Variants in TNRC6C observed in about 807,000 individuals in gnomAD.
TNRC6C encodes the protein trinucleotide repeat-containing gene 6C protein.
In TNRC6C, 20 loss-of-function variants were observed where a neutral mutation model predicts 153.7. The observed-to-expected ratio is 0.13, with a 90% CI of 0.09 to 0.19. The LOEUF is 0.19. TNRC6C is among the 10% of genes least tolerant of loss of function. The pLI, the probability that TNRC6C is intolerant of heterozygous loss-of-function variation, is 1.00. For missense variants in TNRC6C, 1,987 were observed against 2,172.0 expected, an observed-to-expected ratio of 0.91 and a Z score of 1.69; for synonymous variants, 811 against 841.4, an observed-to-expected ratio of 0.96 and a Z score of 0.63.
At chr17:78,094,526 C>T (rs566575144) in intron 16 of TNRC6C, among the ~76,000 whole-genome samples, 1 of 152,040 alleles carries the variant, frequency 6.6e-6, no homozygotes, top group Non-Finnish European at 1.5e-5. Context: ...GCAACCTCCG[C>T]CTCGCAGGCT....
chr17:78,012,315 A>G (rs2071648038), intron 1 of TNRC6C, among the ~76,000 whole-genome samples: 1 of 152,186 alleles, frequency 6.6e-6, no homozygotes, highest in Non-Finnish European at 1.5e-5. Context: ...TCAAAGAAGG[A>G]AACTACAGAC....
chr17:78,063,374 TGAG>T (rs1406758339), intron 3 of TNRC6C, among the ~76,000 whole-genome samples: 3 of 151,866 alleles, frequency 2.0e-5, no homozygotes, highest in African/African-American at 4.8e-5. Flanking sequence ...ATCTTCATGT[TGAG>T]GAGCAGGCTG....
intron 2 of TNRC6C, among the ~76,000 whole-genome samples, chr17:78,042,851 A>T (rs1015361573): frequency 3.9e-5 from 6 of 152,008 alleles, no homozygotes; most frequent in African/African-American, 1.4e-4. Flanking sequence ...GGTGGTGGTG[A>T]TGATGAGGAA....
chr17:77,959,612 T>C (rs989783764), intron 1 of TNRC6C, among the ~76,000 whole-genome samples: 2 of 152,062 alleles, frequency 1.3e-5, no homozygotes, highest in Non-Finnish European at 2.9e-5. Flanking sequence ...GATTTTGCAC[T>C]GGTGATGGCA....
At chr17:78,020,669 G>A (rs751295015) in intron 1 of TNRC6C, among the ~76,000 whole-genome samples, 13 of 152,110 alleles carry the variant, frequency 8.5e-5, no homozygotes, top group African/African-American at 1.2e-4. Flanking sequence ...AGTAACAGGC[G>A]GAATTACTTT....
intron 3 of TNRC6C, among the ~76,000 whole-genome samples, chr17:78,052,914 GC>G (rs1245107109): frequency 6.6e-5 from 10 of 152,064 alleles, no homozygotes; most frequent in African/African-American, 2.2e-4. Flanking sequence ...TGCCTTTTTG[GC>G]CCACATTTTT....
At chr17:77,970,655 TTGTGTGTGTG>T (rs113276737) in intron 1 of TNRC6C, among the ~76,000 whole-genome samples, 3 of 150,870 alleles carry the variant, frequency 2.0e-5, no homozygotes, top group Non-Finnish European at 4.4e-5. Flanking sequence ...ACTATGAGAT[TTGTGTGTGTG>T]TGTGTGTATG....
chr17:78,014,056 G>A (rs1463873393), intron 1 of TNRC6C, among the ~76,000 whole-genome samples: 1 of 152,210 alleles, frequency 6.6e-6, no homozygotes, highest in Non-Finnish European at 1.5e-5. Flanking sequence ...CTGGCGGGTT[G>A]TAGGATTCTG....
chr17:78,064,769 A>T, exon 4 of TNRC6C: 3 of 1,613,838 alleles, frequency 1.9e-6, no homozygotes, highest in Non-Finnish European at 2.5e-6. Flanking sequence ...AAAGACTGAA[A>T]ACTCTTGGGG....
chr17:78,087,845 G>A (rs968204352), intron 13 of TNRC6C, among the ~76,000 whole-genome samples: 4 of 152,168 alleles, frequency 2.6e-5, no homozygotes, highest in Non-Finnish European at 5.9e-5. Context: ...GCCAGGCCTC[G>A]AGGTCAGGCC....
At chr17:78,053,326 A>C (rs1187446471) in intron 3 of TNRC6C, among the ~76,000 whole-genome samples, 3 of 152,186 alleles carry the variant, frequency 2.0e-5, no homozygotes, top group Non-Finnish European at 2.9e-5. Flanking sequence ...AGGAAAATGA[A>C]GGGATTTGAA....
At chr17:78,004,631 G>C (rs1418223011), upstream of TNRC6C, among the ~76,000 whole-genome samples, 3 of 151,828 alleles carry the variant, frequency 2.0e-5, no homozygotes, top group Non-Finnish European at 4.4e-5. Context: ...TTTTTTTGCA[G>C]CTTTGGCAAA....
intron 1 of TNRC6C, among the ~76,000 whole-genome samples, chr17:77,981,816 G>A (rs1567899559): frequency 6.6e-6 from 1 of 152,202 alleles, no homozygotes; most frequent in African/African-American, 2.4e-5. Context: ...TGCACCGCCA[G>A]AATTGAGTAG....
chr17:77,979,104 A>G (rs965807707), intron 1 of TNRC6C, among the ~76,000 whole-genome samples: 1 of 152,210 alleles, frequency 6.6e-6, no homozygotes, highest in Non-Finnish European at 1.5e-5. Context: ...TAATGTTGAT[A>G]AATATGTTTA....
At chr17:78,050,518 G>A (rs868561667) in exon 3 of TNRC6C, 11 of 1,613,964 alleles carry the variant, frequency 6.8e-6, no homozygotes, top group Non-Finnish European at 9.3e-6. Flanking sequence ...AGCTACTCAG[G>A]CTTCAAACTC....
At position 78,049,162 on chromosome 17, in the gene TNRC6C, C is replaced by G. The variant is rs926367716; in HGVS notation, c.100C>G (p.Gln34Glu). ...CGCACTCGTCCAAAGCCCTTCTAAT[C>G]AGAGTGCCCTTGGAGCAGGGGGAGC... The change falls in exon 3 of 20, where the codon CAG (glutamine) becomes GAG (glutamate). Residue 34 changes from glutamine (Q) to glutamate (E), a missense_variant. Transcript: ENST00000301624. The surrounding 1 kb of genome is among the most constrained non-coding windows in gnomAD (Gnocchi z 4.1). 6.2e-7 allele frequency: 1 copy of G among 1,612,544 alleles called. No individual in the cohort carries two copies.
chr17:78,069,525 A>T (rs990006541), intron 5 of TNRC6C, among the ~76,000 whole-genome samples: 1 of 152,182 alleles, frequency 6.6e-6, no homozygotes, highest in Non-Finnish European at 1.5e-5. Flanking sequence ...CTGGGTCTAC[A>T]GGTGCATGCC....
intron 1 of TNRC6C, among the ~76,000 whole-genome samples, chr17:77,976,947 A>C (rs1003764704): frequency 8.6e-5 from 13 of 150,658 alleles, no homozygotes; most frequent in South Asian, 2.1e-4. Flanking sequence ...AAAAAAAAAA[A>C]AAAAAAAAAA....
chr17:78,092,859 G>A, intron 14 of TNRC6C, 74 bp from the exon 17 acceptor site: 1 of 1,358,256 alleles, frequency 7.4e-7, no homozygotes, highest in Non-Finnish European at 1.0e-6. Flanking sequence ...TACATAGGGA[G>A]GCTTAGGGTA....
Sources: gnomAD v4.1 joint callset for allele counts (sites outside exome capture counted in the v4.1 genomes callset) on GRCh38, gnomAD v4.1.1 for gene constraint, Gnocchi (gnomAD v3.1) non-coding constraint, MANE v1.5 for transcripts, NCBI Gene and HGNC (gene_info 2026-07-23, HGNC 2026-07-21) for gene names.